The following NCKAP5 variants were observed in gnomAD, a reference collection of about 807,000 sequenced individuals.
NCKAP5 encodes nck-associated protein 5.
Under a neutral mutation model 167.0 loss-of-function variants are expected in NCKAP5, and 92 were observed. The observed-to-expected ratio is 0.55, with a 90% CI of 0.47 to 0.66. The LOEUF is 0.66. Among genes scored for constraint, NCKAP5 ranks in the 30% least tolerant of loss-of-function variants. The probability of loss-of-function intolerance (pLI) is 0.00; values close to 1 mark genes in which losing one functional copy is unlikely to be tolerated. For synonymous variants in NCKAP5, 891 were observed against 877.4 expected (o/e 1.02, Z -0.27); for missense variants, 2,378 against 2,315.0 (o/e 1.03, Z -0.56).
chr2:133,215,744 T>C (rs1156698138), intron 4 of NCKAP5, among the ~76,000 whole-genome samples: 2 of 152,114 alleles, frequency 1.3e-5, no homozygotes, highest in African/African-American at 4.8e-5. Flanking sequence ...TTCCTATTTA[T>C]ATAAAGTGCA....
chr2:133,030,685 C>T (rs1472236649), intron 6 of NCKAP5, among the ~76,000 whole-genome samples: 1 of 152,236 alleles, frequency 6.6e-6, no homozygotes, highest in East Asian at 1.9e-4. Context: ...ATAGCGGATA[C>T]ACAGGCACAA....
At chr2:133,608,596 A>T in the NCKAP5 span, among the ~76,000 whole-genome samples, 2 of 152,178 alleles carry the variant, frequency 1.3e-5, no homozygotes, top group Non-Finnish European at 2.9e-5. Flanking sequence ...TCCTTCTCCA[A>T]GTTTATCCTC....
At chr2:133,378,919 G>T (rs577504000) in intron 3 of NCKAP5, among the ~76,000 whole-genome samples, 1 of 152,234 alleles carries the variant, frequency 6.6e-6, no homozygotes, top group South Asian at 2.1e-4. Flanking sequence ...ATGTGTATGT[G>T]GGCACTTTGT....
At chr2:132,737,833 A>G (rs1691662020) in intron 16 of NCKAP5, among the ~76,000 whole-genome samples, 1 of 152,202 alleles carries the variant, frequency 6.6e-6, no homozygotes, top group African/African-American at 2.4e-5. Context: ...GTGCAGGCAT[A>G]ACTGGATTTG....
chr2:133,111,990 A>G (rs1456399304), intron 6 of NCKAP5, among the ~76,000 whole-genome samples: 1 of 152,200 alleles, frequency 6.6e-6, no homozygotes, highest in East Asian at 1.9e-4. Context: ...AGAATACATG[A>G]GAGGTCACTG....
At chr2:132,824,867 T>C (rs1467938649) in intron 11 of NCKAP5, among the ~76,000 whole-genome samples, 1 of 152,248 alleles carries the variant, frequency 6.6e-6, no homozygotes, top group African/African-American at 2.4e-5. Flanking sequence ...GCAAGACTGA[T>C]GACTCATAAA....
chr2:133,398,078 T>C (rs879266318), intron 3 of NCKAP5, among the ~76,000 whole-genome samples: 4 of 151,940 alleles, frequency 2.6e-5, no homozygotes, highest in Non-Finnish European at 5.9e-5. Flanking sequence ...ACAAGAGAGA[T>C]GGAGGAGCAA....
At chr2:133,296,266 G>A (rs757249629) in intron 4 of NCKAP5, among the ~76,000 whole-genome samples, 6 of 152,050 alleles carry the variant, frequency 3.9e-5, no homozygotes, top group South Asian at 2.1e-4. Context: ...GAACTGACTC[G>A]GCGCAAGAAG....
intron 6 of NCKAP5, among the ~76,000 whole-genome samples, chr2:133,025,896 T>C (rs1433429883): frequency 6.6e-6 from 1 of 152,218 alleles, no homozygotes; most frequent in Non-Finnish European, 1.5e-5. Context: ...ATTTGTGCCA[T>C]GGTGGTTTGC....
At chr2:133,235,516 G>T (rs905817856) in intron 4 of NCKAP5, among the ~76,000 whole-genome samples, 3 of 151,786 alleles carry the variant, frequency 2.0e-5, no homozygotes, top group Admixed American at 6.6e-5. Context: ...GCGGTGGATC[G>T]CTTTGAGCTT....
intron 6 of NCKAP5, among the ~76,000 whole-genome samples, chr2:133,018,536 C>T (rs780948926): frequency 6.6e-6 from 1 of 152,216 alleles, no homozygotes; most frequent in Non-Finnish European, 1.5e-5. Flanking sequence ...CCTCAGTGTT[C>T]TGACTCCTAG....
At chr2:132,883,341 A>G (rs1691939721) in intron 8 of NCKAP5, among the ~76,000 whole-genome samples, 1 of 151,372 alleles carries the variant, frequency 6.6e-6, no homozygotes, top group African/African-American at 2.4e-5. Flanking sequence ...CATACTTCCT[A>G]CTTTGCCAGG....
At chr2:132,888,530 C>T (rs1400808217) in intron 8 of NCKAP5, among the ~76,000 whole-genome samples, 2 of 152,146 alleles carry the variant, frequency 1.3e-5, no homozygotes, top group East Asian at 1.9e-4. Flanking sequence ...GCTGGGACTA[C>T]AGGCATGTGC....
chr2:133,310,984 T>C (rs1331680580), intron 3 of NCKAP5, among the ~76,000 whole-genome samples: 2 of 152,214 alleles, frequency 1.3e-5, no homozygotes, highest in Non-Finnish European at 2.9e-5. Flanking sequence ...AGCAGATGAA[T>C]GGGAATTTTT....
intron 7 of NCKAP5, among the ~76,000 whole-genome samples, chr2:132,991,693 A>G (rs2077452156): frequency 6.6e-6 from 1 of 152,094 alleles, no homozygotes; most frequent in African/African-American, 2.4e-5. Context: ...AATGAAAGTA[A>G]CTCCAGCTTT....
intron 8 of NCKAP5, among the ~76,000 whole-genome samples, chr2:132,881,200 G>A (rs1199965709): frequency 6.6e-6 from 1 of 152,058 alleles, no homozygotes; most frequent in Non-Finnish European, 1.5e-5. Context: ...TTGAGATGGA[G>A]TATTGCTCTT....
chr2:133,407,615 A>C (rs1481803199), intron 3 of NCKAP5, among the ~76,000 whole-genome samples: 2 of 152,196 alleles, frequency 1.3e-5, no homozygotes, highest in Admixed American at 1.3e-4. Flanking sequence ...GTGAATGAGC[A>C]TCCCTCAGGC....
chr2:133,412,298 A>T (rs1688825308), intron 3 of NCKAP5, among the ~76,000 whole-genome samples: 1 of 152,234 alleles, frequency 6.6e-6, no homozygotes. Context: ...TCCTTACCAG[A>T]ACCTGACCGT....
chr2:133,508,878 T>C (rs1451038110), intron 3 of NCKAP5, among the ~76,000 whole-genome samples: 2 of 152,384 alleles, frequency 1.3e-5, no homozygotes, highest in Admixed American at 6.5e-5. Flanking sequence ...ATTTCTGCTA[T>C]AGAAGCAGTC....
Sources: allele counts gnomAD v4.1 joint callset (sites outside exome capture counted in the v4.1 genomes callset), GRCh38; gene constraint gnomAD v4.1.1; transcripts MANE v1.5; gene names NCBI Gene and HGNC (gene_info 2026-07-23, HGNC 2026-07-21).